LNPEP: variants seen among roughly 807,000 people sequenced by gnomAD.
LNPEP encodes leucyl and cystinyl aminopeptidase, also known as leucyl-cystinyl aminopeptidase.
LNPEP carries 64 observed loss-of-function variants against 120.6 expected under a neutral mutation model. The ratio of observed to expected loss-of-function variants is 0.53; its 90% CI spans 0.43 to 0.65. The LOEUF is 0.65. LNPEP is among the 30% of genes least tolerant of loss of function. LNPEP has a pLI of 0.00. For synonymous variants in LNPEP, 435 were observed against 425.4 expected, an observed-to-expected ratio of 1.02 and a Z score of -0.28; for missense variants, 1,057 against 1,200.0, an observed-to-expected ratio of 0.88 and a Z score of 1.76.
intron 11 of LNPEP, among the ~76,000 whole-genome samples, chr5:97,011,498 G>A (rs906163957): frequency 7.2e-5 from 11 of 152,166 alleles, no homozygotes; most frequent in African/African-American, 2.4e-4. Context: ...TCAGAGTGCT[G>A]GGATTACAGG....
chr5:97,002,044 C>G (rs1790665384), intron 8 of LNPEP, among the ~76,000 whole-genome samples: 1 of 152,106 alleles, frequency 6.6e-6, no homozygotes. Flanking sequence ...GAGGCTGAAG[C>G]AGGAGAATCG....
intron 4 of LNPEP, among the ~76,000 whole-genome samples, chr5:96,990,232 T>C (rs1790360529): frequency 6.6e-6 from 1 of 152,110 alleles, no homozygotes; most frequent in Non-Finnish European, 1.5e-5. Flanking sequence ...ATATTAAAAC[T>C]GACTTCTGTA....
chr5:97,017,302 T>A (rs953036384), intron 13 of LNPEP, among the ~76,000 whole-genome samples: 3 of 152,188 alleles, frequency 2.0e-5, no homozygotes, highest in African/African-American at 7.2e-5. Context: ...CATCTTTTGC[T>A]TATTTTTCTA....
intron 11 of LNPEP, chr5:97,011,107 C>T (rs1195887894): frequency 2.0e-6 from 2 of 985,226 alleles, no homozygotes; most frequent in African/African-American, 3.5e-5. Context: ...GTATGTATTT[C>T]AATGTTTTCT....
At position 96,953,251 on chromosome 5, in the gene LNPEP, A is replaced by T. The variant is rs111314126; in HGVS notation, c.19+17077A>T. 5.9e-3 allele frequency among the ~76,000 whole-genome samples: 892 copies of T among 152,386 alleles called. 6 individuals are homozygous for T. The highest frequency in any genetic ancestry group is 8.9e-3 in the Non-Finnish European group (604 of 68,036). On this transcript the variant is annotated intron_variant, in intron 1 of 17. Coordinates refer to ENST00000231368, the MANE Select transcript of LNPEP (RefSeq NM_005575.3). ...CTGATTTTCATCCAGGTGTTCACAC[A>T]TACCGGGTTTTATGAAAGAGAGCTT...
chr5:96,989,326 ATAATTATATATAATATATAATAT>A (rs1561443032), intron 4 of LNPEP, among the ~76,000 whole-genome samples: 2,578 of 26,410 alleles, frequency 0.098, 50 homozygotes, highest in South Asian at 0.15. Flanking sequence ...TATATAATAT[ATAATTATATATAATATATAATAT>A]ATTATATATT....
chr5:97,027,752 AC>A lies in LNPEP; in HGVS notation c.2886del (p.Ile963TyrfsTer47). On this transcript the variant is annotated frameshift_variant, in exon 17 of 18. Transcript: ENST00000231368. LOFTEE classifies it high-confidence loss of function. ...LVQKFPLGSY[T>X]IQNIVAGSTY... ...CTTCAGGTTCCCTCTGGGGTCCTAT[AC>A]CATACAAAATATTGTTGCTGGATCA... 1 of 1,605,044 alleles carries A rather than the reference AC, an allele frequency of 6.2e-7. No individual in the cohort carries two copies. The highest frequency in any genetic ancestry group is 8.5e-7 in the Non-Finnish European group (1 of 1,171,698).
chr5:96,980,027 G>T lies in LNPEP; in HGVS notation c.860+49G>T, dbSNP rs1022195820. The T allele has an allele frequency of 2.0e-6, 3 of 1,510,058 alleles. No individual in the cohort carries two copies. In the South Asian group the frequency reaches 4.0e-5, roughly 20 times the overall value. The allele number at this position is 1,510,058 out of a possible 1,614,324, so 93.5% of individuals were successfully genotyped here. On this transcript the variant is annotated intron_variant, in intron 2 of 17. Coordinates refer to ENST00000231368, the MANE Select transcript of LNPEP (RefSeq NM_005575.3). ...CTGGTTTTACGCTCTGATAACTTCT[G>T]CAATATAGATCCCTTTGTCCACACC...
At chr5:96,948,337 C>G (rs1561427525) in intron 1 of LNPEP, among the ~76,000 whole-genome samples, 1 of 152,154 alleles carries the variant, frequency 6.6e-6, no homozygotes, top group African/African-American at 2.4e-5. Flanking sequence ...TGGCAGGTCT[C>G]GAACTCCTGA....
intron 1 of LNPEP, among the ~76,000 whole-genome samples, chr5:96,944,640 C>G (rs1220522862): frequency 7.4e-6 from 1 of 135,358 alleles, no homozygotes; most frequent in Non-Finnish European, 1.5e-5. Flanking sequence ...GCAATCTCAG[C>G]TCACTGCAAA....
intron 13 of LNPEP, among the ~76,000 whole-genome samples, chr5:97,021,923 GTTTTTTTTTTTTT>G (rs1165456605): frequency 1.7e-5 from 1 of 57,170 alleles, no homozygotes; most frequent in African/African-American, 7.7e-5. Flanking sequence ...TTTGTCTTTT[GTTTTTTTTTTTTT>G]TTTTTTTTTT....
chr5:97,029,360 G>C lies in LNPEP; in HGVS notation c.*827G>C, dbSNP rs1489015687. Reference sequence around the variant, plus strand: ...TACACCTTTATCACTCCCTGCCGTAGATATACTTTAGGTTAGTATTTCTAC... The same window carrying C: ...TACACCTTTATCACTCCCTGCCGTACATATACTTTAGGTTAGTATTTCTAC... On this transcript the variant is annotated 3_prime_UTR_variant, in exon 18 of 18. Transcript: ENST00000231368. 1 of 152,268 alleles carries C rather than the reference G, an allele frequency of 6.6e-6. No individual in the cohort carries two copies. The highest frequency in any genetic ancestry group is 1.5e-5 in the Non-Finnish European group (1 of 68,028). The allele number at this position is 152,268 out of a possible 1,614,324, so 9.4% of individuals were successfully genotyped here.
chr5:96,939,520 C>G (rs1265766138), intron 1 of LNPEP, among the ~76,000 whole-genome samples: 1 of 151,938 alleles, frequency 6.6e-6, no homozygotes, highest in African/African-American at 2.4e-5. Flanking sequence ...AGTATATATA[C>G]TTTCTAGTTT....
At chr5:96,955,353 GC>G (rs1356828563) in intron 1 of LNPEP, among the ~76,000 whole-genome samples, 1 of 152,054 alleles carries the variant, frequency 6.6e-6, no homozygotes, top group Non-Finnish European at 1.5e-5. Flanking sequence ...GGTGGCTCAT[GC>G]CTGTAAACCC....
At chr5:96,983,749 T>C (rs907844468) in intron 2 of LNPEP, among the ~76,000 whole-genome samples, 4 of 152,300 alleles carry the variant, frequency 2.6e-5, no homozygotes, top group Admixed American at 1.3e-4. Context: ...GCCTGGACTG[T>C]AATTGAGGAT....
intron 1 of LNPEP, among the ~76,000 whole-genome samples, chr5:96,942,031 A>G (rs1302128362): frequency 6.6e-6 from 1 of 152,164 alleles, no homozygotes; most frequent in Non-Finnish European, 1.5e-5. Context: ...GTCTGGTTGG[A>G]TTAATGGAAT....
At chr5:96,994,231 T>C (rs544361810) in intron 6 of LNPEP, among the ~76,000 whole-genome samples, 1 of 152,326 alleles carries the variant, frequency 6.6e-6, no homozygotes, top group Admixed American at 6.5e-5. Flanking sequence ...TTTACATATG[T>C]GAAAACTGAG....
rs959980362 is a variant in LNPEP at position 97,033,475 on chromosome 5, G to A, written c.*4942G>A. 21 of 152,156 alleles carry A rather than the reference G, an allele frequency of 1.4e-4. No homozygotes were observed. The highest frequency in any genetic ancestry group is 1.2e-3 in the Admixed American group (19 of 15,278). The allele number at this position is 152,156 out of a possible 1,614,324, so 9.4% of individuals were successfully genotyped here. On this transcript the variant is annotated 3_prime_UTR_variant, in exon 18 of 18. Transcript: ENST00000231368. ...CCCATGTGGGCAATACTTAAGAGTA[G>A]TTTGGGTTTATTGAAGATTTTTTGC...
intron 17 of LNPEP, 60 bp downstream of exon 17, chr5:97,027,874 C>A: frequency 3.0e-6 from 3 of 1,004,242 alleles, no homozygotes; most frequent in Non-Finnish European, 4.8e-6. Context: ...CCGGACCAGG[C>A]TGCTCAGTTT....
Sources: gnomAD v4.1 joint callset for allele counts (sites outside exome capture counted in the v4.1 genomes callset) on GRCh38, gnomAD v4.1.1 for gene constraint, MANE v1.5 for transcripts, NCBI Gene and HGNC (gene_info 2026-07-23, HGNC 2026-07-21) for gene names.